The following THAP4 variants were observed in gnomAD, a reference collection of about 807,000 sequenced individuals.
The protein encoded by THAP4 is peroxynitrite isomerase THAP4.
THAP4 carries 18 observed loss-of-function variants against 48.1 expected under a neutral mutation model. The ratio of observed to expected loss-of-function variants is 0.37; its 90% CI spans 0.26 to 0.56. The LOEUF is 0.56. Among genes scored for constraint, THAP4 ranks in the 20% least tolerant of loss-of-function variants. THAP4 has a pLI of 0.78. For synonymous variants in THAP4, 345 were observed against 324.9 expected (o/e 1.06, Z -0.66); for missense variants, 656 against 774.9 (o/e 0.85, Z 1.82).
At chr2:241,584,896 G>A (rs1296438893) in intron 5 of THAP4, 171 bp from the exon 6 acceptor site, 1 of 765,806 alleles carries the variant, frequency 1.3e-6, no homozygotes, top group East Asian at 2.5e-5. Flanking sequence ...TCACAATCCA[G>A]GTGCCCTTCA....
At chr2:241,587,698 A>G (rs2066910045) in intron 5 of THAP4, among the ~76,000 whole-genome samples, 1 of 152,176 alleles carries the variant, frequency 6.6e-6, no homozygotes, top group Non-Finnish European at 1.5e-5. Flanking sequence ...AAAATTCTCA[A>G]TTATTTGGAA....
chr2:241,588,274 G>A (rs2066916479), intron 5 of THAP4, among the ~76,000 whole-genome samples: 1 of 152,116 alleles, frequency 6.6e-6, no homozygotes, highest in Non-Finnish European at 1.5e-5. Context: ...AAAACTACAA[G>A]AAAATATAGG....
rs1314264293 is a variant in THAP4 at position 241,610,993 on chromosome 2, C to T, written c.1241-4520G>A. Among the ~76,000 whole-genome samples the T allele has an allele frequency of 6.6e-6, 1 of 152,152 alleles. No individual in the cohort carries two copies. The highest frequency in any genetic ancestry group is 2.4e-5 in the African/African-American group (1 of 41,420). Reference sequence around the variant, plus strand: ...GTAAGTAACAATATTATCACCTTCCCTCCCAAGAATTAAAAAAAACAAAAA... The same window carrying T: ...GTAAGTAACAATATTATCACCTTCCTTCCCAAGAATTAAAAAAAACAAAAA... On this transcript the variant is annotated intron_variant, in intron 2 of 5. Coordinates refer to ENST00000407315, the MANE Select transcript of THAP4 (RefSeq NM_015963.6). The surrounding 1 kb of genome is among the most constrained non-coding windows in gnomAD (Gnocchi z 4.2).
intron 2 of THAP4, among the ~76,000 whole-genome samples, chr2:241,609,541 C>T (rs1347192891): frequency 6.6e-6 from 1 of 152,192 alleles, no homozygotes; most frequent in Non-Finnish European, 1.5e-5. Flanking sequence ...AATCCCAGCA[C>T]TTTGGGATGC....
intron 2 of THAP4, among the ~76,000 whole-genome samples, chr2:241,627,266 T>C (rs1257980997): frequency 6.6e-6 from 1 of 152,216 alleles, no homozygotes; most frequent in East Asian, 1.9e-4. Flanking sequence ...AAGAATTATA[T>C]GTAGATAATG....
chr2:241,619,301 C>T (rs982898614), intron 2 of THAP4, among the ~76,000 whole-genome samples: 2 of 152,308 alleles, frequency 1.3e-5, no homozygotes, highest in South Asian at 2.1e-4. Flanking sequence ...GGATGGATGC[C>T]CTCCAAACAA....
chr2:241,585,930 GAAAAAA>G (rs1247935159), intron 5 of THAP4, among the ~76,000 whole-genome samples: 9 of 108,994 alleles, frequency 8.3e-5, no homozygotes, highest in Non-Finnish European at 1.5e-4. Context: ...AAAAAAAAAA[GAAAAAA>G]AAAAGAAAAA....
chr2:241,585,912 C>CAAAAAAAAAAAAAAAAA (rs1175852721), intron 5 of THAP4, among the ~76,000 whole-genome samples: 25 of 28,114 alleles, frequency 8.9e-4, no homozygotes, highest in East Asian at 1.3e-3. Flanking sequence ...GACTCCTTCT[C>CAAAAAAAAAAAAAAAAA]AAAAAAAAAA....
chr2:241,589,196 A>C (rs1467999179), intron 5 of THAP4, among the ~76,000 whole-genome samples: 1 of 149,994 alleles, frequency 6.7e-6, no homozygotes, highest in Non-Finnish European at 1.5e-5. Context: ...CTGGGCAACG[A>C]GAGCAAACAA....
intron 5 of THAP4, chr2:241,594,691 G>A (rs1219805413): frequency 1.0e-5 from 2 of 197,140 alleles, no homozygotes; most frequent in Non-Finnish European, 2.1e-5. Context: ...CTGGGAGCCA[G>A]AAGTTGCAGC....
In THAP4 at chr2:241,612,219, C is replaced by T. The variant is rs1327797612; in HGVS notation, c.1241-5746G>A. ...AAGCAGCACAGGGAGAAACAAACAC[C>T]GGGAAACACAGCGGAACACAGAGGA... On this transcript the variant is annotated intron_variant, in intron 2 of 5. Transcript: ENST00000407315. This position sits in a 1 kb window ranked among gnomAD's most constrained non-coding sequence, Gnocchi z 4.1. Among the ~76,000 whole-genome samples the T allele has an allele frequency of 4.0e-5, 6 of 151,796 alleles. No individual in the cohort carries two copies. The highest frequency in any genetic ancestry group is 1.9e-4 in the East Asian group (1 of 5,172).
rs750874634 is a variant in THAP4, at chr2:241,632,319, C to T, written c.1240+598G>A. On this transcript the variant is annotated intron_variant, in intron 2 of 5. Transcript: ENST00000407315. ...TTCACCATATTGGCCAGGGTGGTCT[C>T]GAACTCCTGACCTCAAGTGATCTGC... is the stretch of plus-strand genomic sequence containing the variant. Among the ~76,000 whole-genome samples, 12 of 152,166 alleles carry T rather than the reference C, an allele frequency of 7.9e-5. No individual in the cohort carries two copies. In the Middle Eastern group the frequency reaches 0.01, roughly 129 times the overall value.
chr2:241,623,175 C>A, intron 2 of THAP4, among the ~76,000 whole-genome samples: 1 of 152,054 alleles, frequency 6.6e-6, no homozygotes. Context: ...CAACGTTGCA[C>A]CACAGCACTC....
intron 5 of THAP4, chr2:241,591,939 G>T (rs931077229): frequency 7.2e-5 from 11 of 152,178 alleles, no homozygotes; most frequent in Non-Finnish European, 1.2e-4. Flanking sequence ...GATAATCACA[G>T]ACCGAAAAAG....
chr2:241,601,912 T>C lies in THAP4; in HGVS notation c.1598A>G (p.Glu533Gly). 6.2e-7 allele frequency: 1 copy of C among 1,613,870 alleles called. No homozygotes were observed. The highest frequency in any genetic ancestry group is 8.5e-7 in the Non-Finnish European group (1 of 1,180,010). ...HSIARISFAK[E>G]PHVEQITRKF... ...TGGGCTCACCTGCTCTACGTGGGGC[T>C]CCTTGGCGAAGGAGATCCTGGCGAT... is the stretch of plus-strand genomic sequence containing the variant. The change falls in exon 5 of 6, where the codon GAG becomes GGG. Residue 533 changes from glutamate to glycine, a missense_variant. Glu to Gly is a moderately conservative substitution (Grantham distance 98). Around this residue, in one of 4 missense-constraint regions of THAP4, gnomAD observed 176 missense variants for 256.7 expected, o/e 0.69. Transcript: ENST00000407315. This position sits in a 1 kb window ranked among gnomAD's most constrained non-coding sequence, Gnocchi z 4.0.
chr2:241,601,929 C>T lies in THAP4; in HGVS notation c.1581G>A (p.Arg527=), dbSNP rs1368768384. The change falls in exon 5 of 6, where the codon AGG becomes AGA. Residue 527 remains arginine (R), a synonymous_variant. Transcript: ENST00000407315. This position sits in a 1 kb window ranked among gnomAD's most constrained non-coding sequence, Gnocchi z 4.0. The part of the protein sequence containing the change: ...ELCIASHSIA[R]ISFAKEPHVE... Reference sequence around the variant, plus strand: ...CGTGGGGCTCCTTGGCGAAGGAGATCCTGGCGATGGAGTGGGATGCGATGC... The same window carrying T: ...CGTGGGGCTCCTTGGCGAAGGAGATTCTGGCGATGGAGTGGGATGCGATGC... The T allele has an allele frequency of 6.2e-7, 1 of 1,613,756 alleles. No homozygotes were observed. Among genetic ancestry groups the T allele is most frequent in the Admixed American group, 1.7e-5 (1 of 60,018 alleles).
chr2:241,602,174 C>T (rs1413825734), intron 4 of THAP4, 175 bp from the exon 5 acceptor site: 1 of 643,136 alleles, frequency 1.6e-6, no homozygotes, highest in East Asian at 2.8e-5. Flanking sequence ...GGGAAAGCCA[C>T]AACTCTCCTC....
chr2:241,637,354 G>C (rs542957790), upstream of THAP4: 365 of 1,339,664 alleles, frequency 2.7e-4, 2 homozygotes, highest in Middle Eastern at 9.2e-3. Context: ...CGCCGAGCAC[G>C]TCCGTACCGC....
At chr2:241,624,886 C>T (rs371407509) in intron 2 of THAP4, among the ~76,000 whole-genome samples, 55 of 152,068 alleles carry the variant, frequency 3.6e-4, no homozygotes, top group African/African-American at 1.3e-3. Context: ...ACTATGAGAA[C>T]GGAAGGTGGT....
Sources: allele counts gnomAD v4.1 joint callset (sites outside exome capture counted in the v4.1 genomes callset), GRCh38; gene constraint gnomAD v4.1.1; regional missense constraint gnomAD v4.1.1; non-coding constraint Gnocchi (gnomAD v3.1); transcripts MANE v1.5; gene names NCBI Gene and HGNC (gene_info 2026-07-23, HGNC 2026-07-21).